CUX1: variants seen among roughly 807,000 people sequenced by gnomAD.
CUX1 encodes the protein protein CASP.
In CUX1, 31 loss-of-function variants were observed where a neutral mutation model predicts 158.8. The ratio of observed to expected loss-of-function variants is 0.20; its 90% CI spans 0.15 to 0.26. The LOEUF is 0.26. Among genes scored for constraint, CUX1 ranks in the 10% least tolerant of loss-of-function variants. The pLI is 1.00. For synonymous variants in CUX1, 879 were observed against 862.1 expected (o/e 1.02, Z -0.34); for missense variants, 1,589 against 2,014.6 (o/e 0.79, Z 4.04).
At chr7:101,895,824 G>C (rs1284955528) in intron 1 of CUX1, among the ~76,000 whole-genome samples, 1 of 151,766 alleles carries the variant, frequency 6.6e-6, no homozygotes, top group Non-Finnish European at 1.5e-5. Context: ...GGTGAGAGTG[G>C]GAGTAAACTG....
In CUX1 at chr7:102,234,325, G is replaced by A. The variant is rs1478677250; in HGVS notation, c.3622+85G>A. 12 of 1,275,332 alleles carry A rather than the reference G, an allele frequency of 9.4e-6. No individual in the cohort carries two copies. The Admixed American group carries it at 3.8e-4, about 40-fold the overall frequency. 79.0% of individuals were successfully genotyped at this position (1,275,332 alleles called of 1,614,324 possible). On this transcript the variant is annotated intron_variant, in intron 22 of 23. Coordinates refer to ENST00000292535, the MANE Select transcript of CUX1 (RefSeq NM_181552.4). ...TTCAAATCTTTCACACACAGCTGAT[G>A]AGGGACATTGACCCATGACCAAGGG...
chr7:102,088,064 C>T (rs1179231517), intron 4 of CUX1, among the ~76,000 whole-genome samples: 2 of 150,684 alleles, frequency 1.3e-5, no homozygotes, highest in East Asian at 3.9e-4. Flanking sequence ...GTGGTGCAAT[C>T]TTGGCTCACT....
rs191744518 is a variant in CUX1, at chr7:102,120,890, C to A, written c.674+5617C>A. 1.4e-4 allele frequency among the ~76,000 whole-genome samples: 21 copies of A among 152,152 alleles called. No homozygotes were observed. The East Asian group carries it at 4.1e-3, about 29-fold the overall frequency. ...ACCAGCCTGGGCAACATAGTGAGAC[C>A]CCACCTCTACCAAAAAATACAAAAA... On this transcript the variant is annotated intron_variant, in intron 8 of 23. Transcript: ENST00000292535.
intron 2 of CUX1, among the ~76,000 whole-genome samples, chr7:101,918,580 G>T (rs945264427): frequency 6.6e-6 from 1 of 152,236 alleles, no homozygotes; most frequent in East Asian, 1.9e-4. Flanking sequence ...AGTAACGAGG[G>T]TCTCACTGCA....
intron 1 of CUX1, among the ~76,000 whole-genome samples, chr7:101,874,109 C>T (rs1389620765): frequency 6.6e-6 from 1 of 152,184 alleles, no homozygotes; most frequent in Non-Finnish European, 1.5e-5. Context: ...GGAATGGTTT[C>T]ATATTGCCTG....
intron 4 of CUX1, among the ~76,000 whole-genome samples, chr7:102,074,717 C>T (rs555585601): frequency 4.5e-4 from 69 of 152,352 alleles, no homozygotes; most frequent in Non-Finnish European, 7.9e-4. Context: ...TGAGTGCCAG[C>T]TTGCATATCT....
At chr7:102,038,700 C>T (rs930603986) in intron 3 of CUX1, among the ~76,000 whole-genome samples, 2 of 152,114 alleles carry the variant, frequency 1.3e-5, no homozygotes, top group Non-Finnish European at 2.9e-5. Context: ...TGCCTGTCAT[C>T]CTAGTACTTT....
intron 21 of CUX1, among the ~76,000 whole-genome samples, chr7:102,232,321 G>T (rs1799092765): frequency 6.6e-6 from 1 of 152,070 alleles, no homozygotes; most frequent in Non-Finnish European, 1.5e-5. Flanking sequence ...TTTCTTTAGG[G>T]AAAAAAATTA....
chr7:102,203,410 GTGTT>G (rs567150236), intron 18 of CUX1, among the ~76,000 whole-genome samples: 245 of 152,086 alleles, frequency 1.6e-3, no homozygotes, highest in African/African-American at 5.6e-3. Context: ...CTTCCACTCA[GTGTT>G]TGCCGTATGC....
chr7:102,165,724 G>T (rs1016355243), intron 9 of CUX1, among the ~76,000 whole-genome samples: 2 of 152,246 alleles, frequency 1.3e-5, no homozygotes, highest in African/African-American at 4.8e-5. Flanking sequence ...GATGGGCAGG[G>T]GTTGGGGGGC....
In CUX1 at chr7:102,201,511, C is replaced by T; in HGVS notation, c.2214C>T (p.Ile738=). The change falls in exon 18 of 24, where the codon ATC becomes ATT. Residue 738 remains isoleucine, a synonymous_variant. Transcript: ENST00000292535. The surrounding 1 kb of genome is among the most constrained non-coding windows in gnomAD (Gnocchi z 5.0). ...LKQAPLSQSD[I]TILTPKLLST... ...AGGCACCACTGTCCCAGAGTGACAT[C>T]ACCATCCTCACCCCCAAGCTTCTGT... 3.7e-6 allele frequency: 6 copies of T among 1,614,192 alleles called. No homozygotes were observed. Among genetic ancestry groups the T allele is most frequent in the Non-Finnish European group, 5.1e-6 (6 of 1,180,028 alleles).
intron 21 of CUX1, chr7:102,282,671 T>C (rs2132855178): frequency 6.2e-7 from 1 of 1,604,098 alleles, no homozygotes; most frequent in South Asian, 1.1e-5. Context: ...AGGGGTGGCC[T>C]TGAGGCGAAC....
rs1441065079 is a variant in CUX1, at chr7:101,817,634, A to G, written c.-6A>G. The G allele has an allele frequency of 8.4e-6, 13 of 1,550,826 alleles. No individual in the cohort carries two copies. Among genetic ancestry groups the G allele is most frequent in the South Asian group, 4.8e-5 (4 of 84,150 alleles). On this transcript the variant is annotated 5_prime_UTR_variant, in exon 1 of 24. Coordinates refer to ENST00000292535, the MANE Select transcript of CUX1 (RefSeq NM_181552.4). This position sits in a 1 kb window ranked among gnomAD's most constrained non-coding sequence, Gnocchi z 4.1. Reference sequence around the variant, plus strand: ...GCCGGGACAGCCCCGGGACTCTGCCAGGTGGATGTTGTGCGTAGCCGGAGC... The same window carrying G: ...GCCGGGACAGCCCCGGGACTCTGCCGGGTGGATGTTGTGCGTAGCCGGAGC...
At chr7:102,221,605 T>C (rs1797804050) in intron 20 of CUX1, among the ~76,000 whole-genome samples, 1 of 152,104 alleles carries the variant, frequency 6.6e-6, no homozygotes. Flanking sequence ...CTGCTGTTTT[T>C]GGAATATAAT....
intron 3 of CUX1, among the ~76,000 whole-genome samples, chr7:102,059,100 GAA>G (rs1375400206): frequency 1.3e-5 from 2 of 152,222 alleles, no homozygotes; most frequent in Non-Finnish European, 2.9e-5. Context: ...TGGGGAGAGA[GAA>G]GACAGCTAAT....
chr7:101,965,248 C>T (rs910891144), intron 2 of CUX1, among the ~76,000 whole-genome samples: 1 of 152,158 alleles, frequency 6.6e-6, no homozygotes, highest in Non-Finnish European at 1.5e-5. Context: ...TTGATCAGGT[C>T]CTTGGTGTGG....
At chr7:102,198,662 T>C (rs1795058910) in intron 15 of CUX1, 140 bp from the exon 16 acceptor site, 3 of 701,166 alleles carry the variant, frequency 4.3e-6, no homozygotes, top group Non-Finnish European at 7.4e-6. Flanking sequence ...CAGAAGATTC[T>C]AGAAACTCCC....
intron 3 of CUX1, among the ~76,000 whole-genome samples, chr7:102,060,608 A>AAAACACAC (rs749910891): frequency 7.5e-6 from 1 of 133,306 alleles, no homozygotes; most frequent in East Asian, 2.3e-4. Context: ...CACACAAATA[A>AAAACACAC]ACACACACAC....
intron 8 of CUX1, among the ~76,000 whole-genome samples, chr7:102,148,556 C>CA (rs1332618330): frequency 2.0e-5 from 3 of 150,374 alleles, no homozygotes; most frequent in African/African-American, 7.3e-5. Context: ...AACAAACAAA[C>CA]AAAAAAACAA....
Sources: gnomAD v4.1 joint callset for allele counts (sites outside exome capture counted in the v4.1 genomes callset) on GRCh38, gnomAD v4.1.1 for gene constraint, Gnocchi (gnomAD v3.1) non-coding constraint, MANE v1.5 for transcripts, NCBI Gene and HGNC (gene_info 2026-07-23, HGNC 2026-07-21) for gene names.